Variants in MBNL1 observed in about 807,000 individuals in gnomAD.
MBNL1 encodes muscleblind-like protein 1.
A neutral mutation model predicts 42.2 loss-of-function variants in MBNL1; 8 were observed. The observed-to-expected ratio is 0.19, with a 90% confidence interval of 0.11 to 0.34. The LOEUF (loss-of-function observed/expected upper bound fraction) is 0.34. Among genes scored for constraint, MBNL1 ranks in the 10% least tolerant of loss-of-function variants. The probability of loss-of-function intolerance (pLI) is 1.00; values close to 1 mark genes in which losing one functional copy is unlikely to be tolerated. For synonymous variants in MBNL1, 169 were observed against 173.9 expected (o/e 0.97, Z 0.22); for missense variants, 309 against 495.3 (o/e 0.62, Z 3.57).
In MBNL1 at chr3:152,319,823, A is replaced by G. The variant is rs143751787; in HGVS notation, c.174+19456A>G. ...TTTTTGATTTTTGTCCAACTCTTGC[A>G]TCTGTAGTCAACCTGTGGTCGCAAT... On this transcript the variant is annotated intron_variant, in intron 2 of 9. Transcript: ENST00000324210. Among the ~76,000 whole-genome samples the G allele has an allele frequency of 6.6e-3, 1,000 of 152,142 alleles. 8 individuals carry two copies. The highest frequency in any genetic ancestry group is 0.011 in the Non-Finnish European group (779 of 67,938).
chr3:152,394,903 GAGTGGAGCGC>G (rs1339401900), intron 2 of MBNL1, among the ~76,000 whole-genome samples: 1 of 152,098 alleles, frequency 6.6e-6, no homozygotes, highest in Admixed American at 6.5e-5. Context: ...TCTATTGCCA[GAGTGGAGCGC>G]AGTGGAGCGA....
intron 2 of MBNL1, among the ~76,000 whole-genome samples, chr3:152,376,784 GCA>G (rs953952162): frequency 2.0e-5 from 3 of 151,668 alleles, no homozygotes; most frequent in South Asian, 2.1e-4. Context: ...ATATATATAC[GCA>G]CACACACACG....
chr3:152,252,184 C>G (rs2034716386), intron 2 of MBNL1, among the ~76,000 whole-genome samples: 1 of 146,740 alleles, frequency 6.8e-6, no homozygotes, highest in Non-Finnish European at 1.5e-5. Context: ...TCCTTCCCTC[C>G]TTCCTTCCTT....
chr3:152,385,742 G>T (rs1485814741), intron 2 of MBNL1, among the ~76,000 whole-genome samples: 1 of 152,000 alleles, frequency 6.6e-6, no homozygotes, highest in Non-Finnish European at 1.5e-5. Context: ...GGTGCAATCT[G>T]GAAAATACAT....
chr3:152,333,403 A>G (rs550473062), intron 2 of MBNL1, among the ~76,000 whole-genome samples: 1 of 152,328 alleles, frequency 6.6e-6, no homozygotes, highest in South Asian at 2.1e-4. Flanking sequence ...TTTTGGAAAA[A>G]GACAGGGATA....
At chr3:152,425,900 A>G (rs2098922632) in intron 3 of MBNL1, among the ~76,000 whole-genome samples, 2 of 152,190 alleles carry the variant, frequency 1.3e-5, no homozygotes, top group Non-Finnish European at 2.9e-5. Flanking sequence ...ATGCACACGT[A>G]TGTTTATTGC....
intron 2 of MBNL1, among the ~76,000 whole-genome samples, chr3:152,400,352 C>G (rs2153542611): frequency 6.6e-6 from 1 of 152,282 alleles, no homozygotes; most frequent in South Asian, 2.1e-4. Context: ...GCTTAAGCAA[C>G]TTAAAATTGA....
At chr3:152,298,856 C>T (rs905900987) in intron 1 of MBNL1, 2 of 152,200 alleles carry the variant, frequency 1.3e-5, no homozygotes, top group Non-Finnish European at 2.9e-5. Context: ...TGCGCAGAGC[C>T]GGAGGGAAAG....
chr3:152,251,500 G>A (rs1054537820), intron 2 of MBNL1, among the ~76,000 whole-genome samples: 4 of 152,034 alleles, frequency 2.6e-5, no homozygotes, highest in Non-Finnish European at 2.9e-5. Context: ...TCTCTTGAAT[G>A]TCATGTCTCT....
chr3:152,371,065 G>T (rs1434872067), intron 2 of MBNL1, among the ~76,000 whole-genome samples: 1 of 152,078 alleles, frequency 6.6e-6, no homozygotes, highest in Non-Finnish European at 1.5e-5. Flanking sequence ...TATTTTGCCC[G>T]TTAGTTGATG....
intron 2 of MBNL1, among the ~76,000 whole-genome samples, chr3:152,357,746 A>G (rs927265656): frequency 6.6e-6 from 1 of 152,314 alleles, no homozygotes; most frequent in Admixed American, 6.5e-5. Flanking sequence ...GAGATTGGCT[A>G]TAGACTGACA....
intron 1 of MBNL1, among the ~76,000 whole-genome samples, chr3:152,293,056 G>A (rs947812729): frequency 1.2e-4 from 18 of 151,998 alleles, no homozygotes; most frequent in East Asian, 1.9e-4. Context: ...CGTGAGCCAC[G>A]GTGCCCGGCC....
chr3:152,297,235 A>T (rs1263983406), intron 1 of MBNL1, among the ~76,000 whole-genome samples: 2 of 146,674 alleles, frequency 1.4e-5, no homozygotes, highest in South Asian at 2.2e-4. Flanking sequence ...CACAGCTTAC[A>T]GTTTATGACT....
chr3:152,402,474 A>G (rs1405037172), intron 2 of MBNL1, among the ~76,000 whole-genome samples: 1 of 152,182 alleles, frequency 6.6e-6, no homozygotes, highest in Non-Finnish European at 1.5e-5. Context: ...ATTTTTAACC[A>G]TTGAGCTGGG....
chr3:152,314,261 C>T (rs979189101), intron 2 of MBNL1, among the ~76,000 whole-genome samples: 4 of 151,884 alleles, frequency 2.6e-5, no homozygotes, highest in African/African-American at 7.3e-5. Flanking sequence ...AAAGAAGCAT[C>T]CAAATCCATA....
At chr3:152,295,817 T>G (rs1218876412) in intron 1 of MBNL1, among the ~76,000 whole-genome samples, 2 of 152,126 alleles carry the variant, frequency 1.3e-5, no homozygotes, top group African/African-American at 4.8e-5. Flanking sequence ...TCCCAGGAGC[T>G]CACACATGTC....
chr3:152,454,494 TAGAA>T (rs1406104291), intron 6 of MBNL1, among the ~76,000 whole-genome samples: 2 of 152,204 alleles, frequency 1.3e-5, no homozygotes, highest in East Asian at 3.8e-4. Context: ...AATAATCCCA[TAGAA>T]AGAACAGTAG....
At chr3:152,438,522 A>G (rs1366002085) in intron 4 of MBNL1, among the ~76,000 whole-genome samples, 1 of 152,242 alleles carries the variant, frequency 6.6e-6, no homozygotes, top group Non-Finnish European at 1.5e-5. Context: ...CTTCAGCTAT[A>G]AAATACAGCA....
intron 9 of MBNL1, among the ~76,000 whole-genome samples, chr3:152,459,804 C>T (rs569379893): frequency 1.8e-4 from 28 of 151,652 alleles, no homozygotes; most frequent in Admixed American, 6.6e-4. Flanking sequence ...TTTACAAAAA[C>T]AGGCAGTACA....
Sources: gnomAD v4.1 joint callset for allele counts (sites outside exome capture counted in the v4.1 genomes callset) on GRCh38, gnomAD v4.1.1 for gene constraint, MANE v1.5 for transcripts, NCBI Gene and HGNC (gene_info 2026-07-23, HGNC 2026-07-21) for gene names.